Variants in CHRM3 observed in about 807,000 individuals in gnomAD.
CHRM3 encodes the protein muscarinic acetylcholine receptor M3.
Under a neutral mutation model 41.8 loss-of-function variants are expected in CHRM3, and 11 were observed. The observed-to-expected ratio is 0.26, with a 90% CI of 0.17 to 0.44. The LOEUF is 0.44. CHRM3 is among the 20% of genes least tolerant of loss of function. The pLI, the probability that CHRM3 is intolerant of heterozygous loss-of-function variation, is 1.00. For missense variants in CHRM3, 571 were observed against 745.4 expected, an observed-to-expected ratio of 0.77 and a Z score of 2.72; for synonymous variants, 297 against 301.4, an observed-to-expected ratio of 0.99 and a Z score of 0.15.
chr1:239,602,989 T>C (rs1665798786), intron 3 of CHRM3, among the ~76,000 whole-genome samples: 1 of 152,178 alleles, frequency 6.6e-6, no homozygotes, highest in African/African-American at 2.4e-5. Context: ...ACTGGTACTC[T>C]GTACCCATTA....
intron 5 of CHRM3, among the ~76,000 whole-genome samples, chr1:239,786,896 A>G (rs191488395): frequency 4.6e-5 from 7 of 152,168 alleles, no homozygotes; most frequent in Admixed American, 3.9e-4. Context: ...AGCGAAAACC[A>G]AAGTTTGAGG....
At chr1:239,702,707 T>A (rs1660798501) in intron 5 of CHRM3, among the ~76,000 whole-genome samples, 2 of 152,208 alleles carry the variant, frequency 1.3e-5, no homozygotes, top group African/African-American at 4.8e-5. Flanking sequence ...GCCTCCTGGG[T>A]TCAAGTGAGT....
chr1:239,699,080 G>C (rs997977796), intron 5 of CHRM3, among the ~76,000 whole-genome samples: 2 of 152,096 alleles, frequency 1.3e-5, no homozygotes, highest in African/African-American at 2.4e-5. Flanking sequence ...ATTTTTCTTT[G>C]AAGAGTTTTT....
chr1:239,881,230 C>G (rs1442403047), intron 6 of CHRM3, among the ~76,000 whole-genome samples: 1 of 130,252 alleles, frequency 7.7e-6, no homozygotes, highest in African/African-American at 2.9e-5. Context: ...TTGCAGTGAG[C>G]CGAGATCCCG....
chr1:239,673,729 T>C (rs1199547393), intron 4 of CHRM3, among the ~76,000 whole-genome samples: 6 of 152,150 alleles, frequency 3.9e-5, no homozygotes, highest in Non-Finnish European at 8.8e-5. Context: ...GAGCATATAA[T>C]TTTATATTCT....
At chr1:239,457,435 G>T (rs1665035496) in intron 1 of CHRM3, among the ~76,000 whole-genome samples, 1 of 152,046 alleles carries the variant, frequency 6.6e-6, no homozygotes, top group Non-Finnish European at 1.5e-5. Context: ...TCTTCTATTT[G>T]TGTTGGCAGG....
chr1:239,759,960 G>T (rs1558519326), intron 5 of CHRM3, among the ~76,000 whole-genome samples: 1 of 151,856 alleles, frequency 6.6e-6, no homozygotes. Context: ...CATCGCCTAG[G>T]CTGGAGTGCA....
intron 5 of CHRM3, among the ~76,000 whole-genome samples, chr1:239,818,573 C>T (rs916333435): frequency 6.6e-6 from 1 of 152,158 alleles, no homozygotes; most frequent in East Asian, 1.9e-4. Context: ...TCACACAGGG[C>T]CAGCCTCTCA....
chr1:239,476,118 T>A (rs1322157509), intron 1 of CHRM3, among the ~76,000 whole-genome samples: 1 of 152,192 alleles, frequency 6.6e-6, no homozygotes, highest in Non-Finnish European at 1.5e-5. Context: ...TGGAAATTAT[T>A]TGACTCTTAT....
intron 5 of CHRM3, among the ~76,000 whole-genome samples, chr1:239,755,314 A>G (rs532086821): frequency 2.3e-4 from 35 of 152,322 alleles, no homozygotes; most frequent in African/African-American, 8.2e-4. Flanking sequence ...TCATTTAAAT[A>G]ACACAATAAA....
chr1:239,425,364 T>C (rs1245169595), intron 1 of CHRM3, among the ~76,000 whole-genome samples: 1 of 152,186 alleles, frequency 6.6e-6, no homozygotes, highest in Non-Finnish European at 1.5e-5. Flanking sequence ...TGCCAAGCTT[T>C]ATATCAAGTA....
intron 1 of CHRM3, among the ~76,000 whole-genome samples, chr1:239,438,549 CCTT>C (rs1663453259): frequency 6.6e-6 from 1 of 152,258 alleles, no homozygotes; most frequent in East Asian, 1.9e-4. Flanking sequence ...CGTATGATCT[CCTT>C]CTTGTAGATT....
At chr1:239,754,996 G>A (rs1666126060) in intron 5 of CHRM3, among the ~76,000 whole-genome samples, 1 of 152,142 alleles carries the variant, frequency 6.6e-6, no homozygotes, top group Admixed American at 6.5e-5. Flanking sequence ...AAAAGAATTA[G>A]GCATTGGATT....
In CHRM3 at chr1:239,913,484, C is replaced by T. The variant is rs1053100696; in HGVS notation, c.*4260C>T. On this transcript the variant is annotated 3_prime_UTR_variant, in exon 7 of 7. Coordinates refer to ENST00000676153, the MANE Select transcript of CHRM3 (RefSeq NM_001375978.1). ...AATAGGTTCAAGGACAAGTTTACTGCTTCCTTTCTACACGCTTAAGTTACA... is the reference window on the plus strand; with the variant it reads ...AATAGGTTCAAGGACAAGTTTACTGTTTCCTTTCTACACGCTTAAGTTACA... 6.0e-6 allele frequency: 1 copy of T among 166,930 alleles called. No individual in the cohort carries two copies. The highest frequency in any genetic ancestry group is 6.5e-5 in the Admixed American group (1 of 15,284). The allele number at this position is 166,930 out of a possible 1,614,324, so 10.3% of individuals were successfully genotyped here.
At chr1:239,796,518 G>A (rs1487311280) in intron 5 of CHRM3, among the ~76,000 whole-genome samples, 1 of 152,026 alleles carries the variant, frequency 6.6e-6, no homozygotes, top group Non-Finnish European at 1.5e-5. Context: ...AGTTGGGTAG[G>A]CTTCATGGAC....
intron 4 of CHRM3, among the ~76,000 whole-genome samples, chr1:239,648,002 G>A (rs1228812244): frequency 1.3e-5 from 2 of 152,118 alleles, no homozygotes; most frequent in East Asian, 1.9e-4. Flanking sequence ...CTATTTCACT[G>A]TTTGAAATAA....
rs189840033 is a variant in CHRM3 at position 239,787,241 on chromosome 1, T to G, written c.-146-40011T>G. Among the ~76,000 whole-genome samples, 120 of 152,328 alleles carry G rather than the reference T, an allele frequency of 7.9e-4. 1 individual carries two copies. Among genetic ancestry groups the G allele is most frequent in the South Asian group, 1.2e-3 (6 of 4,832 alleles). ...GAGTCATCTCATCATGGTATCCACC[T>G]GGTGGCTGAAGAGCCATGTCTGGAA... On this transcript the variant is annotated intron_variant, in intron 5 of 6. Coordinates refer to ENST00000676153, the MANE Select transcript of CHRM3 (RefSeq NM_001375978.1).
At chr1:239,564,635 C>T (rs1661181616) in intron 3 of CHRM3, among the ~76,000 whole-genome samples, 2 of 152,126 alleles carry the variant, frequency 1.3e-5, no homozygotes. Flanking sequence ...ATCTTAACCA[C>T]TGCAACCAAC....
At chr1:239,458,881 TG>T (rs971143359) in intron 1 of CHRM3, among the ~76,000 whole-genome samples, 1 of 101,650 alleles carries the variant, frequency 9.8e-6, no homozygotes, top group Non-Finnish European at 2.1e-5. Flanking sequence ...AAAGAAGAAA[TG>T]GGAGACCCCC....
Sources: allele counts gnomAD v4.1 joint callset (sites outside exome capture counted in the v4.1 genomes callset), GRCh38; gene constraint gnomAD v4.1.1; transcripts MANE v1.5; gene names NCBI Gene and HGNC (gene_info 2026-07-23, HGNC 2026-07-21).